TBRG1: variants seen among roughly 807,000 people sequenced by gnomAD.
The protein encoded by TBRG1 is nuclear interactor of ARF and MDM2.
A neutral mutation model predicts 44.0 loss-of-function variants in TBRG1; 31 were observed. The ratio of observed to expected loss-of-function variants is 0.70; its 90% CI spans 0.53 to 0.95. The LOEUF (loss-of-function observed/expected upper bound fraction) is 0.95, where lower values mean the gene tolerates loss of function less well. Among genes scored for constraint, TBRG1 ranks in the 40% least tolerant of loss-of-function variants. TBRG1 has a pLI of 0.00. For synonymous variants in TBRG1, 171 were observed against 188.1 expected, an observed-to-expected ratio of 0.91 and a Z score of 0.74; for missense variants, 487 against 496.1, an observed-to-expected ratio of 0.98 and a Z score of 0.18.
At chr11:124,624,662 C>T (rs895117899) in intron 1 of TBRG1, among the ~76,000 whole-genome samples, 6 of 152,120 alleles carry the variant, frequency 3.9e-5, no homozygotes, top group Non-Finnish European at 7.4e-5. Context: ...CCTGGTTCAC[C>T]GTATTGTTCT....
At chr11:124,626,139 T>C (rs1480447031) in intron 3 of TBRG1, among the ~76,000 whole-genome samples, 1 of 152,212 alleles carries the variant, frequency 6.6e-6, no homozygotes, top group Non-Finnish European at 1.5e-5. Context: ...GACTTCCCCC[T>C]TCCCCCAACT....
Position 124,632,374 on chromosome 11 carries a change from G to GC in TBRG1, c.*136_*137insC. The stretch of plus-strand genomic sequence containing the variant: ...GTATTTCATCATGGAAGGTCCTGTG[G>GC]TGATGGTTTTCCCTGGGAAAACCTT... On this transcript the variant is annotated 3_prime_UTR_variant, in exon 9 of 9. Transcript: ENST00000441174. 1 of 632,558 alleles carries GC rather than the reference G, an allele frequency of 1.6e-6. No individual in the cohort carries two copies. The highest frequency in any genetic ancestry group is 2.6e-6 in the Non-Finnish European group (1 of 389,238). The allele number at this position is 632,558 out of a possible 1,614,324, so 39.2% of individuals were successfully genotyped here.
chr11:124,623,416 A>C (rs1184887739), intron 1 of TBRG1, 183 bp downstream of exon 1: 2 of 730,620 alleles, frequency 2.7e-6, no homozygotes, highest in East Asian at 5.4e-5. Flanking sequence ...CCTCATCTGT[A>C]AATGAGCTAG....
At chr11:124,629,865 T>C (rs4396300) in intron 5 of TBRG1, 5,282 of 153,250 alleles carry the variant, frequency 0.034, 256 homozygotes, top group African/African-American at 0.1. Context: ...GCTAGTTAAC[T>C]TGTTACATTT....
chr11:124,628,102 TATATATATATATATAC>T (rs1228338867), intron 5 of TBRG1, among the ~76,000 whole-genome samples: 170 of 51,334 alleles, frequency 3.3e-3, no homozygotes, highest in Middle Eastern at 0.012. Flanking sequence ...TATATATATA[TATATATATATATATAC>T]ACACACACAC....
In TBRG1 at chr11:124,626,620, C is replaced by G. The variant is rs1468133491; in HGVS notation, c.591+11C>G. 1.9e-6 allele frequency: 3 copies of G among 1,551,276 alleles called. No individual in the cohort carries two copies. The African/African-American group carries it at 4.1e-5, about 21-fold the overall frequency. On this transcript the variant is annotated intron_variant, in intron 4 of 8. Coordinates refer to ENST00000441174, the MANE Select transcript of TBRG1 (RefSeq NM_032811.3). The stretch of plus-strand genomic sequence containing the variant: ...TATAGCCTGGGGGAGGTGAGTGAGA[C>G]CAGCGATATATAGAGAGGAGAATCA...
At position 124,625,622 on chromosome 11, in the gene TBRG1, G is replaced by C. The variant is rs1209709900; in HGVS notation, c.222-49G>C. 13 of 1,501,834 alleles carry C rather than the reference G, an allele frequency of 8.7e-6. No homozygotes were observed. In the South Asian group the frequency reaches 1.0e-4, roughly 12 times the overall value. The allele number at this position is 1,501,834 out of a possible 1,614,324, so 93.0% of individuals were successfully genotyped here. On this transcript the variant is annotated intron_variant, in intron 2 of 8. Transcript: ENST00000441174. ...CAGTACTTGAGTAAAATACTGAATTGAGACAATACGGAAGTTCATTTCTCT... is the reference window on the plus strand; with the variant it reads ...CAGTACTTGAGTAAAATACTGAATTCAGACAATACGGAAGTTCATTTCTCT...
At chr11:124,627,554 C>G (rs1356841347) in intron 5 of TBRG1, among the ~76,000 whole-genome samples, 1 of 152,130 alleles carries the variant, frequency 6.6e-6, no homozygotes, top group Non-Finnish European at 1.5e-5. Context: ...CCATCATCTC[C>G]TGATTGTTAG....
intron 3 of TBRG1, 34 bp from the exon 4 acceptor site, chr11:124,626,439 G>T (rs1044756678): frequency 1.0e-5 from 15 of 1,502,236 alleles, no homozygotes; most frequent in African/African-American, 1.4e-5. Context: ...ATTGGAAGGG[G>T]CCTAAAGTGG....
At position 124,632,089 on chromosome 11, in the gene TBRG1, C is replaced by G. The variant is rs373985559; in HGVS notation, c.1091-4C>G. The G allele has an allele frequency of 3.4e-5, 55 of 1,613,396 alleles. No individual in the cohort carries two copies. In the African/African-American group the frequency reaches 7.2e-4, roughly 21 times the overall value. On this transcript the variant is annotated splice_region_variant and splice_polypyrimidine_tract_variant and intron_variant, in intron 8 of 8. Coordinates refer to ENST00000441174, the MANE Select transcript of TBRG1 (RefSeq NM_032811.3). ...AGTGGAACTTAAGGAATTGTTTTCT[C>G]CAGGATCCTTGGACCTCCCAGAGCT... is the stretch of plus-strand genomic sequence containing the variant.
intron 5 of TBRG1, among the ~76,000 whole-genome samples, chr11:124,628,216 A>G (rs1942527628): frequency 6.7e-6 from 1 of 148,762 alleles, no homozygotes; most frequent in African/African-American, 2.4e-5. Flanking sequence ...TTGTCTATAC[A>G]TGTCAATATG....
intron 7 of TBRG1, 71 bp downstream of exon 7, chr11:124,630,926 C>A (rs1942596216): frequency 9.0e-7 from 1 of 1,111,382 alleles, no homozygotes; most frequent in South Asian, 1.3e-5. Flanking sequence ...GCAGTTCCTA[C>A]TTTGTTCACT....
chr11:124,626,376 G>A, intron 3 of TBRG1, 97 bp from the exon 4 acceptor site: 1 of 1,127,228 alleles, frequency 8.9e-7, no homozygotes, highest in Non-Finnish European at 1.2e-6. Context: ...ATAAAACCAG[G>A]ATTGGCTTAT....
intron 2 of TBRG1, 143 bp downstream of exon 2, chr11:124,625,144 A>G: frequency 1.6e-6 from 1 of 618,590 alleles, no homozygotes; most frequent in East Asian, 2.9e-5. Context: ...GATCAAGCAC[A>G]GAGAAACTTA....
intron 5 of TBRG1, among the ~76,000 whole-genome samples, chr11:124,628,083 ATAT>A (rs1434347512): frequency 3.4e-5 from 2 of 58,190 alleles, no homozygotes; most frequent in African/African-American, 2.7e-4. Context: ...ATATATATAT[ATAT>A]ATATATATAT....
intron 5 of TBRG1, among the ~76,000 whole-genome samples, chr11:124,628,116 T>TATATATATAC (rs1565400621): frequency 2.4e-5 from 1 of 41,948 alleles, no homozygotes; most frequent in Non-Finnish European, 4.9e-5. Flanking sequence ...TATATATATA[T>TATATATATAC]ACACACACAC....
At chr11:124,632,032 A>T in intron 8 of TBRG1, 61 bp from the exon 9 acceptor site, 4 of 1,519,824 alleles carry the variant, frequency 2.6e-6, no homozygotes, top group Non-Finnish European at 3.6e-6. Flanking sequence ...TATATGTCTG[A>T]CCAAAACAGT....
rs551936881 is a variant in TBRG1 at position 124,635,821 on chromosome 11, C to T, written c.*3583C>T. ...CTAGTGATTATGCTTTTATTTATTT[C>T]CAACTTCTTATAGGTAACATAATTT... On this transcript the variant is annotated 3_prime_UTR_variant, in exon 9 of 9. Transcript: ENST00000441174. The T allele has an allele frequency of 2.0e-5, 3 of 152,214 alleles. No individual in the cohort carries two copies. The highest frequency in any genetic ancestry group is 2.9e-5 in the Non-Finnish European group (2 of 67,996). 9.4% of individuals were successfully genotyped at this position (152,214 alleles called of 1,614,324 possible).
intron 2 of TBRG1, 52 bp downstream of exon 2, chr11:124,625,053 G>T: frequency 7.7e-7 from 1 of 1,295,438 alleles, no homozygotes; most frequent in Non-Finnish European, 1.1e-6. Flanking sequence ...GATTGATTTG[G>T]TGATTGATAA....
Sources: allele counts gnomAD v4.1 joint callset (sites outside exome capture counted in the v4.1 genomes callset), GRCh38; gene constraint gnomAD v4.1.1; transcripts MANE v1.5; gene names NCBI Gene and HGNC (gene_info 2026-07-23, HGNC 2026-07-21).